ZRANB1: variants seen among roughly 807,000 people sequenced by gnomAD.
ZRANB1 encodes the protein ubiquitin thioesterase ZRANB1.
ZRANB1 carries 16 observed loss-of-function variants against 80.5 expected under a neutral mutation model. The ratio of observed to expected loss-of-function variants is 0.20; its 90% CI spans 0.13 to 0.30. The LOEUF (loss-of-function observed/expected upper bound fraction) is 0.30. ZRANB1 is among the 10% of genes least tolerant of loss of function. The pLI is 1.00. For missense variants in ZRANB1, 576 were observed against 862.6 expected (o/e 0.67, Z 4.16); for synonymous variants, 291 against 293.1 (o/e 0.99, Z 0.07).
rs1012019397 is a variant in ZRANB1 at position 124,969,961 on chromosome 10, G to A, written c.1003-2004G>A. ...CTAAGTTTCTTTTAGAATGTTTGTG[G>A]TAGTCAGGGTCCAGTCCAGGTGGTT... On this transcript the variant is annotated intron_variant, in intron 2 of 8. Transcript: ENST00000359653. Among the ~76,000 whole-genome samples the A allele has an allele frequency of 1.8e-4, 27 of 152,138 alleles. 1 individual carries two copies. The highest frequency in any genetic ancestry group is 6.5e-4 in the African/African-American group (27 of 41,434).
At chr10:124,944,790 A>T (rs780433172) in intron 1 of ZRANB1, among the ~76,000 whole-genome samples, 8 of 152,158 alleles carry the variant, frequency 5.3e-5, no homozygotes, top group Non-Finnish European at 1.0e-4. Context: ...TGCTGTGCCC[A>T]GCTGAAATCC....
intron 8 of ZRANB1, 175 bp from the exon 9 acceptor site, chr10:124,984,599 C>T: frequency 3.4e-6 from 2 of 582,678 alleles, no homozygotes; most frequent in Non-Finnish European, 5.8e-6. Flanking sequence ...TAAATTTAAC[C>T]AGAGCAAACT....
Position 124,983,625 on chromosome 10 carries a change from A to G in ZRANB1, c.1845A>G (p.Thr615=). Residue 615 remains threonine (T), a synonymous_variant, in exon 8 of 9, where the codon ACA becomes ACG. Transcript: ENST00000359653. The surrounding 1 kb of genome is among the most constrained non-coding windows in gnomAD (Gnocchi z 6.2). ...NLNTDDDVTI[T]FLPLVDSERK... ...ATACCGATGATGATGTCACCATCAC[A>G]TTTTTGCCTCTGGTTGACAGTGAAA... is the stretch of plus-strand genomic sequence containing the variant. 1 of 1,613,514 alleles carries G rather than the reference A, an allele frequency of 6.2e-7. No individual in the cohort carries two copies. The highest frequency in any genetic ancestry group is 8.5e-7 in the Non-Finnish European group (1 of 1,179,706).
At chr10:124,933,949 A>G in the ZRANB1 span, among the ~76,000 whole-genome samples, 3 of 152,192 alleles carry the variant, frequency 2.0e-5, no homozygotes, top group South Asian at 2.1e-4. Context: ...ATTTGACACA[A>G]TGTAAGTTAA....
intron 5 of ZRANB1, among the ~76,000 whole-genome samples, chr10:124,979,567 T>C (rs1009942010): frequency 1.3e-5 from 2 of 152,246 alleles, no homozygotes; most frequent in Admixed American, 1.3e-4. Flanking sequence ...ATGCTTTTGC[T>C]GTTGTATCTG....
chr10:124,977,910 G>C (rs1034386542), intron 5 of ZRANB1, among the ~76,000 whole-genome samples: 1 of 152,036 alleles, frequency 6.6e-6, no homozygotes, highest in Non-Finnish European at 1.5e-5. Context: ...TGAGCACCTA[G>C]GGCTGGCATA....
intron 5 of ZRANB1, among the ~76,000 whole-genome samples, chr10:124,975,150 G>A (rs1418065053): frequency 6.6e-6 from 1 of 152,168 alleles, no homozygotes; most frequent in Non-Finnish European, 1.5e-5. Flanking sequence ...TGTGTTACAA[G>A]TTTTTTTCCT....
Position 124,973,716 on chromosome 10 carries a change from G to A in ZRANB1, c.1228G>A (p.Glu410Lys). The change falls in exon 4 of 9, where the codon GAA becomes AAA. Residue 410 changes from glutamate (E) to lysine (K), a missense_variant and splice_region_variant. Physicochemically the swap from Glu to Lys is moderately conservative, Grantham distance 56. This residue lies in a region of ZRANB1 where 411 missense variants were observed against 583.1 expected (regional missense o/e 0.70). Transcript: ENST00000359653. Reference sequence around the variant, plus strand: ...GGTGCTTGATAGAGACGTTCAAAAAGGTAAGCATGGAATTAATGAGTATAA... The same window carrying A: ...GGTGCTTGATAGAGACGTTCAAAAAAGTAAGCATGGAATTAATGAGTATAA... ...DEVLDRDVQK[E>K]LEEESPIINW... 1.2e-6 allele frequency: 2 copies of A among 1,611,640 alleles called. No individual in the cohort carries two copies.
the ZRANB1 span, among the ~76,000 whole-genome samples, chr10:124,919,439 C>T: frequency 6.6e-6 from 1 of 151,704 alleles, no homozygotes; most frequent in East Asian, 2.0e-4. Context: ...CCCAGCTACT[C>T]GGGAGGCTGA....
chr10:124,921,976 T>A, the ZRANB1 span, among the ~76,000 whole-genome samples: 39 of 151,768 alleles, frequency 2.6e-4, no homozygotes, highest in African/African-American at 4.8e-4. Flanking sequence ...TTAAAAAAAA[T>A]TTTTTTTGAC....
intron 1 of ZRANB1, among the ~76,000 whole-genome samples, chr10:124,944,951 TTCTG>T (rs1951567631): frequency 6.6e-6 from 1 of 152,236 alleles, no homozygotes; most frequent in East Asian, 1.9e-4. Context: ...CCGGGCTATC[TTCTG>T]TCTGTGTTGT....
the ZRANB1 span, among the ~76,000 whole-genome samples, chr10:124,936,042 G>A: frequency 6.6e-6 from 1 of 152,168 alleles, no homozygotes; most frequent in African/African-American, 2.4e-5. Flanking sequence ...AGCCTTAAAG[G>A]ATGGGTAGAG....
At chr10:124,965,338 C>G (rs111512757) in intron 1 of ZRANB1, among the ~76,000 whole-genome samples, 4,559 of 152,196 alleles carry the variant, frequency 0.03, 215 homozygotes, top group African/African-American at 0.1. Flanking sequence ...GGCAGGGGGT[C>G]ATTTTTTTGA....
intron 3 of ZRANB1, among the ~76,000 whole-genome samples, chr10:124,973,191 C>CT (rs1169476012): frequency 6.6e-6 from 1 of 152,120 alleles, no homozygotes; most frequent in African/African-American, 2.4e-5. Context: ...CTTACTCTAT[C>CT]GCCTAGGCTG....
the ZRANB1 span, among the ~76,000 whole-genome samples, chr10:124,929,959 A>AG: frequency 4.0e-5 from 6 of 151,614 alleles, no homozygotes; most frequent in South Asian, 1.2e-3. Context: ...AAAAAAAAAA[A>AG]AAAAAGATAT....
At chr10:124,970,039 G>C (rs1951809107) in intron 2 of ZRANB1, among the ~76,000 whole-genome samples, 2 of 152,258 alleles carry the variant, frequency 1.3e-5, no homozygotes, top group South Asian at 4.1e-4. Flanking sequence ...TAGCTGATGG[G>C]AATAAGCTAT....
chr10:124,984,423 A>C, intron 8 of ZRANB1: 1 of 205,528 alleles, frequency 4.9e-6, no homozygotes, highest in Non-Finnish European at 9.6e-6. Context: ...GTATAATTTC[A>C]GCTTGTACAT....
the ZRANB1 span, among the ~76,000 whole-genome samples, chr10:124,924,118 G>T: frequency 6.6e-6 from 1 of 151,272 alleles, no homozygotes. Context: ...TACTCAGGCT[G>T]GTGTCAAACT....
At chr10:124,938,049 A>T (rs908077270), upstream of ZRANB1, among the ~76,000 whole-genome samples, 1 of 152,228 alleles carries the variant, frequency 6.6e-6, no homozygotes, top group Non-Finnish European at 1.5e-5. Context: ...GCAAAATTAA[A>T]CTTGTAAACT....
Sources: gnomAD v4.1 joint callset for allele counts (sites outside exome capture counted in the v4.1 genomes callset) on GRCh38, gnomAD v4.1.1 for gene constraint, gnomAD v4.1.1 regional missense constraint, Gnocchi (gnomAD v3.1) non-coding constraint, MANE v1.5 for transcripts, NCBI Gene and HGNC (gene_info 2026-07-23, HGNC 2026-07-21) for gene names.